Variants in TAFA1 observed in about 807,000 individuals in gnomAD.
TAFA1 encodes the protein chemokine-like protein TAFA-1.
Under a neutral mutation model 18.5 loss-of-function variants are expected in TAFA1, and 4 were observed. The ratio of observed to expected loss-of-function variants is 0.22; its 90% CI spans 0.11 to 0.49. The LOEUF is 0.49. Ranked by LOEUF, TAFA1 falls within the 20% of genes least tolerant of loss-of-function variation. The pLI is 0.98. For missense variants in TAFA1, 147 were observed against 169.0 expected (o/e 0.87, Z 0.72); for synonymous variants, 56 against 55.2 (o/e 1.01, Z -0.06).
At chr3:68,493,746 C>A (rs1397569003) in intron 3 of TAFA1, among the ~76,000 whole-genome samples, 5 of 152,144 alleles carry the variant, frequency 3.3e-5, no homozygotes, top group Non-Finnish European at 7.4e-5. Flanking sequence ...ACATTCTAGA[C>A]AATGAATGAT....
chr3:68,273,862 T>C (rs1290275087), intron 2 of TAFA1, among the ~76,000 whole-genome samples: 2 of 152,182 alleles, frequency 1.3e-5, no homozygotes, highest in Non-Finnish European at 2.9e-5. Flanking sequence ...TCAGTTTCAC[T>C]GTCCGTAACA....
chr3:68,018,410 G>C (rs1490005541), intron 2 of TAFA1, among the ~76,000 whole-genome samples: 1 of 152,200 alleles, frequency 6.6e-6, no homozygotes, highest in Admixed American at 6.5e-5. Context: ...TTGTATTAAA[G>C]GAAGCTGCAT....
At chr3:68,325,424 G>A (rs2068760628) in intron 2 of TAFA1, among the ~76,000 whole-genome samples, 2 of 152,100 alleles carry the variant, frequency 1.3e-5, no homozygotes, top group Admixed American at 1.3e-4. Context: ...ACATTTCAGA[G>A]TGTTGTGATG....
intron 2 of TAFA1, among the ~76,000 whole-genome samples, chr3:68,084,713 G>T (rs1030475208): frequency 6.6e-6 from 1 of 151,640 alleles, no homozygotes; most frequent in Non-Finnish European, 1.5e-5. Flanking sequence ...CAGGAGAATC[G>T]CTTGAAGCCG....
At chr3:68,427,676 C>G (rs926217450) in intron 3 of TAFA1, among the ~76,000 whole-genome samples, 13 of 151,928 alleles carry the variant, frequency 8.6e-5, no homozygotes, top group African/African-American at 1.4e-4. Context: ...CAAGTTCAAA[C>G]AACAAGATAT....
intron 2 of TAFA1, among the ~76,000 whole-genome samples, chr3:68,216,903 C>T (rs113905019): frequency 3.3e-5 from 5 of 152,192 alleles, no homozygotes; most frequent in African/African-American, 1.2e-4. Flanking sequence ...ATTGGCTTTA[C>T]TGATATAAAG....
chr3:68,440,741 TAA>T (rs2071360538), intron 3 of TAFA1, among the ~76,000 whole-genome samples: 2 of 152,292 alleles, frequency 1.3e-5, no homozygotes, highest in Non-Finnish European at 2.9e-5. Flanking sequence ...ATGGTAATAC[TAA>T]GATCTCTTGT....
At chr3:68,280,920 C>T (rs1218089651) in intron 2 of TAFA1, among the ~76,000 whole-genome samples, 10 of 152,032 alleles carry the variant, frequency 6.6e-5, no homozygotes, top group African/African-American at 1.9e-4. Context: ...CACCTAATCT[C>T]GCTACTTTTT....
intron 2 of TAFA1, among the ~76,000 whole-genome samples, chr3:68,363,913 A>G (rs1322107918): frequency 6.6e-6 from 1 of 152,188 alleles, no homozygotes; most frequent in African/African-American, 2.4e-5. Flanking sequence ...CTTACTCTGC[A>G]GTGTCTCAGG....
At chr3:68,483,141 T>C (rs961406456) in intron 3 of TAFA1, among the ~76,000 whole-genome samples, 16 of 152,322 alleles carry the variant, frequency 1.1e-4, no homozygotes, top group African/African-American at 3.8e-4. Flanking sequence ...AGCTCAGCTA[T>C]GCCACAGAAT....
Position 68,208,901 on chromosome 3 carries a change from C to G in TAFA1, c.118+202157C>G, listed in dbSNP as rs1452425286. Among the ~76,000 whole-genome samples the G allele has an allele frequency of 3.3e-5, 5 of 151,778 alleles. No homozygotes were observed. The East Asian group carries it at 9.7e-4, about 30-fold the overall frequency. ...TGCAGGCCTGGCCTAATTAGGTGAG[C>G]CCTTTAAAAAACAGGTGTAATGGAA... On this transcript the variant is annotated intron_variant, in intron 2 of 4. Coordinates refer to ENST00000478136, the MANE Select transcript of TAFA1 (RefSeq NM_213609.4).
At chr3:68,044,849 A>G (rs1019005395) in intron 2 of TAFA1, among the ~76,000 whole-genome samples, 14 of 152,222 alleles carry the variant, frequency 9.2e-5, no homozygotes, top group African/African-American at 3.1e-4. Context: ...TGTTGTGAGG[A>G]TTGGACATAA....
intron 2 of TAFA1, among the ~76,000 whole-genome samples, chr3:68,078,477 T>C (rs1262327990): frequency 6.6e-6 from 1 of 152,224 alleles, no homozygotes; most frequent in African/African-American, 2.4e-5. Context: ...TATCTTGAGA[T>C]ACGTCCCATC....
intron 2 of TAFA1, among the ~76,000 whole-genome samples, chr3:68,105,876 G>A (rs545923150): frequency 6.6e-6 from 1 of 152,180 alleles, no homozygotes; most frequent in Non-Finnish European, 1.5e-5. Context: ...GTATTTACAG[G>A]TTAATCCCTT....
intron 2 of TAFA1, among the ~76,000 whole-genome samples, chr3:68,203,100 A>G (rs991857651): frequency 7.3e-5 from 11 of 151,620 alleles, no homozygotes; most frequent in Admixed American, 3.3e-4. Context: ...TTTTCTTTCA[A>G]CCCTTCAAAT....
At chr3:68,192,266 C>A (rs187627489) in intron 2 of TAFA1, 1 of 151,760 alleles carries the variant, frequency 6.6e-6, no homozygotes, top group Non-Finnish European at 1.5e-5. Flanking sequence ...AGGTCTTTTC[C>A]CCTCTCTTGC....
chr3:68,497,089 C>T (rs1268354211), intron 3 of TAFA1, among the ~76,000 whole-genome samples: 1 of 152,128 alleles, frequency 6.6e-6, no homozygotes, highest in Non-Finnish European at 1.5e-5. Context: ...AAGTGTTTGG[C>T]ATGTATTAGA....
intron 2 of TAFA1, among the ~76,000 whole-genome samples, chr3:68,218,991 A>G (rs1428854184): frequency 3.4e-5 from 5 of 147,022 alleles, no homozygotes; most frequent in Admixed American, 1.4e-4. Context: ...AGTACTACTC[A>G]ATTCCTAAGC....
chr3:68,374,015 T>C (rs2069762457), intron 2 of TAFA1, among the ~76,000 whole-genome samples: 1 of 152,136 alleles, frequency 6.6e-6, no homozygotes, highest in Non-Finnish European at 1.5e-5. Context: ...GGAAATACAA[T>C]GTCTCCCGGA....
Sources: gnomAD v4.1 joint callset for allele counts (sites outside exome capture counted in the v4.1 genomes callset) on GRCh38, gnomAD v4.1.1 for gene constraint, MANE v1.5 for transcripts, NCBI Gene and HGNC (gene_info 2026-07-23, HGNC 2026-07-21) for gene names.